MIA2: variants seen among roughly 807,000 people sequenced by gnomAD.
The protein encoded by MIA2 is MIA SH3 domain ER export factor 2.
Under a neutral mutation model 167.8 loss-of-function variants are expected in MIA2, and 127 were observed. The observed-to-expected ratio is 0.76, with a 90% CI of 0.66 to 0.88. MIA2 has a LOEUF of 0.88. Ranked by LOEUF, MIA2 falls within the 40% of genes least tolerant of loss-of-function variation. The probability of loss-of-function intolerance (pLI) is 0.00; values close to 1 mark genes in which losing one functional copy is unlikely to be tolerated. For missense variants in MIA2, 1,690 were observed against 1,624.7 expected, an observed-to-expected ratio of 1.04 and a Z score of -0.69; for synonymous variants, 552 against 541.9, an observed-to-expected ratio of 1.02 and a Z score of -0.26.
At position 39,264,344 on chromosome 14, in the gene MIA2, C is replaced by T. The variant is rs538563160; in HGVS notation, c.1887+11173C>T. Among the ~76,000 whole-genome samples, 7 of 152,216 alleles carry T rather than the reference C, an allele frequency of 4.6e-5. No individual in the cohort carries two copies. In the South Asian group the frequency reaches 8.3e-4, roughly 18 times the overall value. Reference sequence around the variant, plus strand: ...ACCACATTTTCTTTATCCAATGCACCGTTGATGGGCACCTAGGGTGAGTCC... The same window carrying T: ...ACCACATTTTCTTTATCCAATGCACTGTTGATGGGCACCTAGGGTGAGTCC... On this transcript the variant is annotated intron_variant, in intron 6 of 28. Coordinates refer to ENST00000640607, the MANE Select transcript of MIA2 (RefSeq NM_001329214.4).
At chr14:39,237,534 G>A (rs2053810818) in intron 2 of MIA2, among the ~76,000 whole-genome samples, 2 of 152,220 alleles carry the variant, frequency 1.3e-5, no homozygotes, top group African/African-American at 4.8e-5. Context: ...ATCATGTTCA[G>A]TGTTGGTTCC....
chr14:39,288,475 A>ATTTTTTTTTTTTTT (rs1247369150), intron 9 of MIA2, among the ~76,000 whole-genome samples: 2 of 50,516 alleles, frequency 4.0e-5, no homozygotes, highest in Non-Finnish European at 6.1e-5. Context: ...ATATATATAT[A>ATTTTTTTTTTTTTT]TTTTTTTTTT....
chr14:39,246,885 A>C, intron 3 of MIA2, 26 bp from the exon 4 acceptor site: 1 of 1,282,354 alleles, frequency 7.8e-7, no homozygotes, highest in Non-Finnish European at 1.1e-6. Context: ...ATTCATGTTA[A>C]TCATATATAT....
At chr14:39,317,899 T>A (rs773727096) in intron 21 of MIA2, 45 bp from the exon 22 acceptor site, 4 of 1,296,850 alleles carry the variant, frequency 3.1e-6, no homozygotes, top group African/African-American at 1.5e-5. Context: ...GCTTATTTTT[T>A]AAGTTTATAT....
At chr14:39,295,885 T>G (rs1458057541) in intron 13 of MIA2, among the ~76,000 whole-genome samples, 1 of 152,206 alleles carries the variant, frequency 6.6e-6, no homozygotes, top group Non-Finnish European at 1.5e-5. Context: ...ATATTCTGTC[T>G]TATTCAATAT....
chr14:39,358,812 G>T (rs1163499672), intron 23 of MIA2, among the ~76,000 whole-genome samples: 2 of 152,200 alleles, frequency 1.3e-5, no homozygotes, highest in Non-Finnish European at 2.9e-5. Flanking sequence ...TTTGCTGGAG[G>T]TCCACTCCAG....
At chr14:39,265,359 A>G in intron 6 of MIA2, 1 of 1,558,960 alleles carries the variant, frequency 6.4e-7, no homozygotes, top group Non-Finnish European at 8.8e-7. Context: ...AACTTTATTT[A>G]CATGTTAGGA....
At chr14:39,277,254 T>G (rs1451241380) in intron 7 of MIA2, among the ~76,000 whole-genome samples, 189 bp downstream of exon 7, 1 of 151,952 alleles carries the variant, frequency 6.6e-6, no homozygotes, top group Non-Finnish European at 1.5e-5. Flanking sequence ...GGCCCAGTGC[T>G]GTGGCTCCCA....
chr14:39,328,688 A>T (rs1182202397), intron 25 of MIA2, among the ~76,000 whole-genome samples: 1 of 152,226 alleles, frequency 6.6e-6, no homozygotes, highest in Non-Finnish European at 1.5e-5. Flanking sequence ...GCATAAGGCT[A>T]GCCATTTTTC....
At chr14:39,303,829 GT>G (rs2152894755) in intron 16 of MIA2, among the ~76,000 whole-genome samples, 1 of 151,396 alleles carries the variant, frequency 6.6e-6, no homozygotes, top group African/African-American at 2.4e-5. Context: ...TTTTCTTCTA[GT>G]CTCAGTATTT....
chr14:39,325,709 G>T (rs575257283), intron 24 of MIA2, among the ~76,000 whole-genome samples: 8 of 146,568 alleles, frequency 5.5e-5, no homozygotes, highest in African/African-American at 2.0e-4. Context: ...GTTGAATATG[G>T]GTTTTGTTTT....
chr14:39,357,151 G>T (rs1290093126), intron 23 of MIA2, among the ~76,000 whole-genome samples: 4 of 152,198 alleles, frequency 2.6e-5, no homozygotes, highest in Non-Finnish European at 5.9e-5. Context: ...TGACAATGGG[G>T]TGTTAAAGTC....
At chr14:39,387,295 A>G in exon 24 of MIA2, 1 of 229,276 alleles carries the variant, frequency 4.4e-6, no homozygotes, top group Non-Finnish European at 8.2e-6. Context: ...TTAAAGTATC[A>G]ACATTAACTG....
intron 1 of MIA2, among the ~76,000 whole-genome samples, chr14:39,235,336 T>C (rs1221755753): frequency 6.6e-6 from 1 of 152,194 alleles, no homozygotes; most frequent in Non-Finnish European, 1.5e-5. Flanking sequence ...GAATTACTTC[T>C]AATTTGCAAC....
intron 4 of MIA2, 77 bp from the exon 5 acceptor site, chr14:39,252,671 C>A: frequency 9.4e-7 from 1 of 1,066,046 alleles, no homozygotes; most frequent in Non-Finnish European, 1.4e-6. Flanking sequence ...GAAAAATGAC[C>A]TGCCTAGAAA....
At chr14:39,386,422 G>A in intron 23 of MIA2, 1 of 1,553,930 alleles carries the variant, frequency 6.4e-7, no homozygotes, top group East Asian at 2.2e-5. Flanking sequence ...TAACAAGGCT[G>A]TTTCTAGCAG....
intron 18 of MIA2, among the ~76,000 whole-genome samples, chr14:39,309,807 A>C (rs555467688): frequency 1.3e-5 from 2 of 152,310 alleles, no homozygotes; most frequent in Admixed American, 1.3e-4. Context: ...GAATATATGT[A>C]CAAATATGTT....
intron 25 of MIA2, among the ~76,000 whole-genome samples, chr14:39,344,908 C>A (rs1401641340): frequency 6.6e-6 from 1 of 152,114 alleles, no homozygotes; most frequent in African/African-American, 2.4e-5. Context: ...CAACCTAATA[C>A]CATATTGTCA....
intron 6 of MIA2, among the ~76,000 whole-genome samples, chr14:39,270,119 C>T (rs146584576): frequency 3.9e-5 from 6 of 152,074 alleles, no homozygotes; most frequent in East Asian, 3.9e-4. Context: ...TTCTCTCCAA[C>T]GCTTGTGATT....
Sources: allele counts gnomAD v4.1 joint callset (sites outside exome capture counted in the v4.1 genomes callset), GRCh38; gene constraint gnomAD v4.1.1; transcripts MANE v1.5; gene names NCBI Gene and HGNC (gene_info 2026-07-23, HGNC 2026-07-21).